Variants in COPA observed in about 807,000 individuals in gnomAD.
COPA encodes the protein coatomer subunit alpha.
COPA carries 10 observed loss-of-function variants against 158.7 expected under a neutral mutation model. That is an observed-to-expected ratio of 0.06 (90% CI 0.04 to 0.11). The LOEUF is 0.11. Among genes scored for constraint, COPA ranks in the 10% least tolerant of loss-of-function variants. The pLI is 1.00. For synonymous variants in COPA, 462 were observed against 542.8 expected (o/e 0.85, Z 2.07); for missense variants, 1,065 against 1,536.7 (o/e 0.69, Z 5.13).
intron 13 of COPA, 55 bp downstream of exon 13, chr1:160,309,046 T>A: frequency 7.2e-7 from 1 of 1,383,152 alleles, no homozygotes; most frequent in Non-Finnish European, 1.0e-6. Flanking sequence ...AGAGGAGTTA[T>A]GATGCGGGTG....
rs564047727 is a variant in COPA, at chr1:160,335,547, T to C, written c.229-225A>G. ...GAAAATATAGGTCAGATAAACAACA[T>C]GGGGTTGGGGTAGGATTAGGGAAAA... On this transcript the variant is annotated intron_variant, in intron 3 of 32. Coordinates refer to ENST00000241704, the MANE Select transcript of COPA (RefSeq NM_004371.4). Among the ~76,000 whole-genome samples the C allele has an allele frequency of 2.6e-5, 4 of 152,060 alleles. No individual in the cohort carries two copies. The South Asian group carries it at 6.2e-4, about 24-fold the overall frequency.
At chr1:160,304,787 A>G (rs1658727220) in intron 17 of COPA, among the ~76,000 whole-genome samples, 1 of 152,226 alleles carries the variant, frequency 6.6e-6, no homozygotes, top group African/African-American at 2.4e-5. Flanking sequence ...AACAGGTAAA[A>G]AAGAATGTTT....
At chr1:160,326,651 T>C (rs570024745) in intron 6 of COPA, among the ~76,000 whole-genome samples, 15 of 152,180 alleles carry the variant, frequency 9.9e-5, no homozygotes, top group Admixed American at 5.9e-4. Flanking sequence ...AAAACAGCTG[T>C]TTGGTAGAAG....
intron 12 of COPA, 75 bp downstream of exon 12, chr1:160,310,117 A>G: frequency 1.2e-6 from 1 of 856,138 alleles, no homozygotes; most frequent in Non-Finnish European, 1.7e-6. Flanking sequence ...GAAGCCATTA[A>G]AGATTCCCTA....
At chr1:160,313,218 C>A (rs1297861801) in intron 9 of COPA, 51 bp from the exon 10 acceptor site, 1 of 1,512,730 alleles carries the variant, frequency 6.6e-7, no homozygotes, top group Admixed American at 1.7e-5. Flanking sequence ...GAATCTTCAG[C>A]CCATCCTACA....
chr1:160,298,498 C>T (rs766670631), intron 19 of COPA, among the ~76,000 whole-genome samples: 1 of 152,178 alleles, frequency 6.6e-6, no homozygotes, highest in African/African-American at 2.4e-5. Context: ...TTCTAGGCCC[C>T]AACGCTTAGT....
At chr1:160,306,244 G>T in intron 15 of COPA, 110 bp downstream of exon 15, 1 of 1,274,838 alleles carries the variant, frequency 7.8e-7, no homozygotes, top group Non-Finnish European at 1.1e-6. Context: ...TGGAGCACAA[G>T]AAGTGGCCAA....
At chr1:160,330,120 AC>A (rs1022091313) in intron 6 of COPA, among the ~76,000 whole-genome samples, 115 of 145,418 alleles carry the variant, frequency 7.9e-4, no homozygotes, top group Non-Finnish European at 1.4e-3. Context: ...CCCCACCGCC[AC>A]CCCCCCCAAA....
intron 6 of COPA, among the ~76,000 whole-genome samples, chr1:160,329,732 T>C (rs1216610971): frequency 1.3e-5 from 2 of 152,236 alleles, no homozygotes; most frequent in African/African-American, 4.8e-5. Flanking sequence ...TATATACCAT[T>C]CTTAGAAGAA....
chr1:160,343,004 C>G (rs1648163237), intron 1 of COPA, 127 bp downstream of exon 1: 1 of 1,146,134 alleles, frequency 8.7e-7, no homozygotes, highest in Admixed American at 1.7e-5. Context: ...CTCTCCCACC[C>G]TCCGTCTTCC....
intron 3 of COPA, among the ~76,000 whole-genome samples, chr1:160,336,725 T>G: frequency 6.6e-6 from 1 of 152,352 alleles, no homozygotes; most frequent in South Asian, 2.1e-4. Context: ...TTTTTAAATT[T>G]CTTTTTAATA....
At chr1:160,299,764 G>T (rs771314374) in intron 17 of COPA, among the ~76,000 whole-genome samples, 1 of 152,008 alleles carries the variant, frequency 6.6e-6, no homozygotes, top group Non-Finnish European at 1.5e-5. Context: ...AAAATTATTG[G>T]GTTCTACATG....
intron 8 of COPA, among the ~76,000 whole-genome samples, chr1:160,320,792 T>TAAAAAA (rs143294298): frequency 9.0e-5 from 8 of 89,196 alleles, no homozygotes; most frequent in Middle Eastern, 8.6e-3. Context: ...TTCAAACTCT[T>TAAAAAA]AAAAAAAAAA....
chr1:160,294,406 G>C, intron 25 of COPA, 78 bp downstream of exon 25: 1 of 1,245,894 alleles, frequency 8.0e-7, no homozygotes. Flanking sequence ...CCTGAGGATA[G>C]TGGTAGGGGA....
intron 8 of COPA, among the ~76,000 whole-genome samples, chr1:160,315,043 T>C (rs1283281250): frequency 6.6e-6 from 1 of 152,212 alleles, no homozygotes; most frequent in African/African-American, 2.4e-5. Context: ...TATACAGTGC[T>C]GAGATTTTCA....
chr1:160,299,063 G>A, intron 18 of COPA, 39 bp downstream of exon 18: 1 of 1,606,558 alleles, frequency 6.2e-7, no homozygotes, highest in Non-Finnish European at 8.5e-7. Flanking sequence ...AAAGAGTGCT[G>A]CCTCTCTTAA....
intron 17 of COPA, among the ~76,000 whole-genome samples, chr1:160,304,077 C>T (rs1408223517): frequency 1.3e-5 from 2 of 151,740 alleles, no homozygotes; most frequent in East Asian, 1.9e-4. Context: ...TGCAATGGTA[C>T]GACCATGGAT....
chr1:160,305,939 A>C (rs1658772300), intron 15 of COPA, 166 bp from the exon 16 acceptor site: 1 of 653,806 alleles, frequency 1.5e-6, no homozygotes, highest in Admixed American at 2.6e-5. Flanking sequence ...TCAGTGACTT[A>C]AACATTTTGG....
At position 160,289,176 on chromosome 1, in the gene COPA, A is replaced by C. The variant is rs1557858172; in HGVS notation, c.*981T>G. ...TTCCAATAGTGGATGTTTATTTTGT[A>C]ATTAAAAATTATTACTGGAAGGAAG... On this transcript the variant is annotated 3_prime_UTR_variant, in exon 33 of 33. Transcript: ENST00000241704. 1 of 149,240 alleles carries C rather than the reference A, an allele frequency of 6.7e-6. No homozygotes were observed. The highest frequency in any genetic ancestry group is 1.5e-5 in the Non-Finnish European group (1 of 67,536). The allele number at this position is 149,240 out of a possible 1,614,324, so 9.2% of individuals were successfully genotyped here.
Sources: allele counts gnomAD v4.1 joint callset (sites outside exome capture counted in the v4.1 genomes callset), GRCh38; gene constraint gnomAD v4.1.1; transcripts MANE v1.5; gene names NCBI Gene and HGNC (gene_info 2026-07-23, HGNC 2026-07-21).